Variants in FZD5 observed in about 807,000 individuals in gnomAD.
FZD5 encodes the protein frizzled class receptor 5.
Under a neutral mutation model 40.8 loss-of-function variants are expected in FZD5, and 12 were observed. The observed-to-expected ratio is 0.29, with a 90% CI of 0.19 to 0.48. The LOEUF is 0.48. FZD5 is among the 20% of genes least tolerant of loss of function. FZD5 has a pLI of 0.99. For missense variants in FZD5, 622 were observed against 832.8 expected, an observed-to-expected ratio of 0.75 and a Z score of 3.12; for synonymous variants, 380 against 383.7, an observed-to-expected ratio of 0.99 and a Z score of 0.11.
rs1347258264 is a variant in FZD5 at position 207,769,399 on chromosome 2, T to G, written c.-390A>C. The G allele has an allele frequency of 6.6e-6, 1 of 152,620 alleles. No individual in the cohort carries two copies. Among genetic ancestry groups the G allele is most frequent in the Non-Finnish European group, 1.5e-5 (1 of 68,402 alleles). The allele number at this position is 152,620 out of a possible 1,614,324, so 9.5% of individuals were successfully genotyped here. On this transcript the variant is annotated 5_prime_UTR_variant, in exon 1 of 2. Transcript: ENST00000295417. ...AGTTTAGCGACAGGCTGGGTACCCG[T>G]GGCAGCGGCACATGGCAGCAGGTGG...
At position 207,764,147 on chromosome 2, in the gene FZD5, T is replaced by C. The variant is rs1161267229; in HGVS notation, c.*2835A>G. The C allele has an allele frequency of 6.6e-6, 1 of 152,516 alleles. No individual in the cohort carries two copies. The highest frequency in any genetic ancestry group is 1.5e-5 in the Non-Finnish European group (1 of 68,058). 9.4% of individuals were successfully genotyped at this position (152,516 alleles called of 1,614,324 possible). A position where few individuals can be genotyped will look rare whatever the true frequency, so the allele number is the denominator to read the frequency against. The stretch of plus-strand genomic sequence containing the variant: ...AATGGAATCCTTACCCCCTAAGCTA[T>C]GAAGTGAGGCATTGCTTAAAATCAA... On this transcript the variant is annotated 3_prime_UTR_variant, in exon 2 of 2. Transcript: ENST00000295417.
chr2:207,767,172 G>C lies in FZD5; in HGVS notation c.1568C>G (p.Ser523Trp). The C allele has an allele frequency of 6.3e-7, 1 of 1,592,176 alleles. No homozygotes were observed. ...VGITSGVWIWSGKTVESWRRF... is the reference protein window; with the variant it reads ...VGITSGVWIWWGKTVESWRRF... The stretch of plus-strand genomic sequence containing the variant: ...CCGCCACGACTCCACCGTCTTGCCC[G>C]ACCAGATCCAGACGCCCGACGTGAT... Residue 523 changes from serine to tryptophan, a missense_variant, in exon 2 of 2, where the codon TCG (serine) becomes TGG (tryptophan). By Grantham distance (177) the Ser-to-Trp change is radical. Coordinates refer to ENST00000295417, the MANE Select transcript of FZD5 (RefSeq NM_003468.4).
At chr2:207,769,093 T>C (rs1161305970) in intron 1 of FZD5, 99 bp from the exon 2 acceptor site, 1 of 276,664 alleles carries the variant, frequency 3.6e-6, no homozygotes, top group African/African-American at 2.3e-5. Context: ...TCTCTTAAGT[T>C]AACCCCTTTC....
In FZD5 at chr2:207,767,094, C is replaced by T; in HGVS notation, c.1646G>A (p.Gly549Asp). 1.3e-6 allele frequency: 2 copies of T among 1,590,122 alleles called. No individual in the cohort carries two copies. Among genetic ancestry groups the T allele is most frequent in the African/African-American group, 1.3e-5 (1 of 74,626 alleles). ...GGGGTAGTCCCCTGCGGCCATGGCG[C>T]CCCCGCTCTTGTGGCCGCGCCGCGG... ...CRPRRGHKSGGAMAAGDYPEA... is the reference protein window; with the variant it reads ...CRPRRGHKSGDAMAAGDYPEA... Residue 549 changes from glycine to aspartate, a missense_variant, in exon 2 of 2, where the codon GGC (glycine) becomes GAC (aspartate). Physicochemically the swap from Gly to Asp is moderately conservative, Grantham distance 94 (BLOSUM62 -1). Around this residue, in one of 4 missense-constraint regions of FZD5, gnomAD observed 154 missense variants for 152.1 expected, o/e 1.01. Coordinates refer to ENST00000295417, the MANE Select transcript of FZD5 (RefSeq NM_003468.4).
In FZD5 at chr2:207,766,199, C is replaced by G. The variant is rs1371487658; in HGVS notation, c.*783G>C. 1 of 152,048 alleles carries G rather than the reference C, an allele frequency of 6.6e-6. No individual in the cohort carries two copies. Among genetic ancestry groups the G allele is most frequent in the Non-Finnish European group, 1.5e-5 (1 of 68,028 alleles). 9.4% of individuals were successfully genotyped at this position (152,048 alleles called of 1,614,324 possible). On this transcript the variant is annotated 3_prime_UTR_variant, in exon 2 of 2. Transcript: ENST00000295417. ...TCCACCAATCACCATCGCTTAGGCTCTCACTACTGCAAATATTTATGCCAG... is the reference window on the plus strand; with the variant it reads ...TCCACCAATCACCATCGCTTAGGCTGTCACTACTGCAAATATTTATGCCAG...
At position 207,767,323 on chromosome 2, in the gene FZD5, G is replaced by A; in HGVS notation, c.1417C>T (p.His473Tyr). 1 of 1,611,852 alleles carries A rather than the reference G, an allele frequency of 6.2e-7. No homozygotes were observed. Among genetic ancestry groups the A allele is most frequent in the East Asian group, 2.2e-5 (1 of 44,868 alleles). ...IVVACYLYEQ[H>Y]YRESWEAALT... is the part of the protein sequence containing the mutation. Reference sequence around the variant, plus strand: ...GCCGCCTCCCAGCTCTCGCGGTAGTGCTGCTCGTACAGGTAGCAGGCCACC... The same window carrying A: ...GCCGCCTCCCAGCTCTCGCGGTAGTACTGCTCGTACAGGTAGCAGGCCACC... Residue 473 changes from histidine to tyrosine, a missense_variant, in exon 2 of 2, where the codon CAC becomes TAC. Around this residue, in one of 4 missense-constraint regions of FZD5, gnomAD observed 208 missense variants for 348.9 expected, o/e 0.60. Coordinates refer to ENST00000295417, the MANE Select transcript of FZD5 (RefSeq NM_003468.4).
Position 207,762,836 on chromosome 2 carries a change from T to C in FZD5, c.*4146A>G, listed in dbSNP as rs1010878903. Reference sequence around the variant, plus strand: ...AACCACATACAACTGCTGTTTCTACTGACTCCCAGGAACGAAGCAGAAACA... The same window carrying C: ...AACCACATACAACTGCTGTTTCTACCGACTCCCAGGAACGAAGCAGAAACA... On this transcript the variant is annotated 3_prime_UTR_variant, in exon 2 of 2. Coordinates refer to ENST00000295417, the MANE Select transcript of FZD5 (RefSeq NM_003468.4). 6.6e-6 allele frequency: 1 copy of C among 152,662 alleles called. No individual in the cohort carries two copies. Among genetic ancestry groups the C allele is most frequent in the Admixed American group, 6.5e-5 (1 of 15,288 alleles). The allele number at this position is 152,662 out of a possible 1,614,324, so 9.5% of individuals were successfully genotyped here.
chr2:207,766,924 C>T lies in FZD5; in HGVS notation c.*58G>A. 1 of 1,335,878 alleles carries T rather than the reference C, an allele frequency of 7.5e-7. No homozygotes were observed. The highest frequency in any genetic ancestry group is 9.9e-7 in the Non-Finnish European group (1 of 1,012,964). The allele number at this position is 1,335,878 out of a possible 1,614,324, so 82.8% of individuals were successfully genotyped here. Reference sequence around the variant, plus strand: ...AACGGAAGTGACCTTGGCAAAACTACCAAACAAAACGCCCCCCTCCCCTCA... The same window carrying T: ...AACGGAAGTGACCTTGGCAAAACTATCAAACAAAACGCCCCCCTCCCCTCA... On this transcript the variant is annotated 3_prime_UTR_variant, in exon 2 of 2. Transcript: ENST00000295417.
In FZD5 at chr2:207,763,939, T is replaced by G. The variant is rs1014446465; in HGVS notation, c.*3043A>C. The G allele has an allele frequency of 1.3e-5, 2 of 152,602 alleles. No individual in the cohort carries two copies. Among genetic ancestry groups the G allele is most frequent in the South Asian group, 4.1e-4 (2 of 4,832 alleles). 9.5% of individuals were successfully genotyped at this position (152,602 alleles called of 1,614,324 possible). A position where few individuals can be genotyped will look rare whatever the true frequency, so the allele number is the denominator to read the frequency against. ...CATGGGCCTTGGTCACTGGCAATGG[T>G]CATGAGAAAATATGAGAAAGGTTTG... On this transcript the variant is annotated 3_prime_UTR_variant, in exon 2 of 2. Transcript: ENST00000295417.
At position 207,762,860 on chromosome 2, in the gene FZD5, C is replaced by CA. The variant is rs1156508134; in HGVS notation, c.*4121dup. On this transcript the variant is annotated 3_prime_UTR_variant, in exon 2 of 2. Transcript: ENST00000295417. ...CTGACTCCCAGGAACGAAGCAGAAA[C>CA]AAAAACTCATCAAGCTGCTCTGGGT... 6.6e-6 allele frequency: 1 copy of CA among 152,548 alleles called. No individual in the cohort carries two copies. Among genetic ancestry groups the CA allele is most frequent in the African/African-American group, 2.4e-5 (1 of 41,424 alleles). The allele number at this position is 152,548 out of a possible 1,614,324, so 9.4% of individuals were successfully genotyped here.
In FZD5 at chr2:207,764,339, T is replaced by C. The variant is rs544269964; in HGVS notation, c.*2643A>G. ...ACTTGTTTCCATAATCACATGCAAA[T>C]TGGGGGAAGTAACTATATGGATGGA... On this transcript the variant is annotated 3_prime_UTR_variant, in exon 2 of 2. Transcript: ENST00000295417. The C allele has an allele frequency of 5.9e-5, 9 of 152,288 alleles. No homozygotes were observed. The highest frequency in any genetic ancestry group is 2.1e-4 in the South Asian group (1 of 4,830). The allele number at this position is 152,288 out of a possible 1,614,324, so 9.4% of individuals were successfully genotyped here.
Position 207,767,513 on chromosome 2 carries a change from C to A in FZD5, c.1227G>T (p.Val409=), listed in dbSNP as rs541696877. Reference sequence around the variant, plus strand: ...AGAGCGTGCCCACCAGCAGGTAGAGCACCAGCGGGCCCAGCACGAAGCCGC... The same window carrying A: ...AGAGCGTGCCCACCAGCAGGTAGAGAACCAGCGGGCCCAGCACGAAGCCGC... ...SLRGFVLGPL[V]LYLLVGTLFL... is the part of the protein sequence containing the mutation. The change falls in exon 2 of 2, where the codon GTG becomes GTT. Residue 409 remains valine (V), a synonymous_variant. Transcript: ENST00000295417. 1.9e-6 allele frequency: 3 copies of A among 1,609,700 alleles called. No individual in the cohort carries two copies. In the East Asian group the frequency reaches 6.7e-5, roughly 36 times the overall value.
Position 207,767,189 on chromosome 2 carries a change from C to T in FZD5, c.1551G>A (p.Ser517=), listed in dbSNP as rs1216488012. The T allele has an allele frequency of 3.7e-6, 6 of 1,602,200 alleles. No homozygotes were observed. In the African/African-American group the frequency reaches 5.4e-5, roughly 14 times the overall value. The part of the protein sequence containing the change: ...YFMCLVVGIT[S]GVWIWSGKTV... ...TCTTGCCCGACCAGATCCAGACGCC[C>T]GACGTGATGCCCACCACCAGGCACA... is the stretch of plus-strand genomic sequence containing the variant. The change falls in exon 2 of 2, where the codon TCG becomes TCA. Residue 517 remains serine, a synonymous_variant. Coordinates refer to ENST00000295417, the MANE Select transcript of FZD5 (RefSeq NM_003468.4).
In FZD5 at chr2:207,766,071, TAAAAA is replaced by T. The variant is rs1156799536; in HGVS notation, c.*906_*910del. 2 of 91,610 alleles carry T rather than the reference TAAAAA, an allele frequency of 2.2e-5. No homozygotes were observed. Among genetic ancestry groups the T allele is most frequent in the African/African-American group, 9.1e-5 (2 of 22,016 alleles). The allele number at this position is 91,610 out of a possible 1,614,324, so 5.7% of individuals were successfully genotyped here. On this transcript the variant is annotated 3_prime_UTR_variant, in exon 2 of 2. Coordinates refer to ENST00000295417, the MANE Select transcript of FZD5 (RefSeq NM_003468.4). Reference sequence around the variant, plus strand: ...TACCAAAATTATAACACAAGTTCCTTAAAAAAAAAAAAAAAAAAAAAAAAAGGGGA... The same window carrying T: ...TACCAAAATTATAACACAAGTTCCTTAAAAAAAAAAAAAAAAAAAAGGGGA...
chr2:207,768,050 G>A lies in FZD5; in HGVS notation c.690C>T (p.Asp230=). Residue 230 remains aspartate, a synonymous_variant, in exon 2 of 2, where the codon GAC becomes GAT. Transcript: ENST00000295417. The part of the protein sequence containing the change: ...VPCYQPSFSA[D]ERTFATFWIG... The stretch of plus-strand genomic sequence containing the variant: ...TCCAGAAGGTGGCGAACGTGCGCTC[G>A]TCGGCACTGAAGGACGGCTGGTAGC... 1 of 1,612,692 alleles carries A rather than the reference G, an allele frequency of 6.2e-7. No homozygotes were observed. The highest frequency in any genetic ancestry group is 8.5e-7 in the Non-Finnish European group (1 of 1,179,406).
Position 207,768,704 on chromosome 2 carries a change from C to G in FZD5, c.36G>C (p.Leu12=), listed in dbSNP as rs1274484941. 1.3e-6 allele frequency: 2 copies of G among 1,598,654 alleles called. No homozygotes were observed. Among genetic ancestry groups the G allele is most frequent in the African/African-American group, 2.7e-5 (2 of 74,706 alleles). ...CCAGCTGCGCTAGGAGCAGCAGCAACAGCGAGGGCGGCGCGGATGGGTCAG... is the reference window on the plus strand; with the variant it reads ...CCAGCTGCGCTAGGAGCAGCAGCAAGAGCGAGGGCGGCGCGGATGGGTCAG... ...ARPDPSAPPS[L]LLLLLAQLVG... is the part of the protein sequence containing the mutation. The change falls in exon 2 of 2, where the codon CTG becomes CTC. Residue 12 remains leucine, a synonymous_variant. Transcript: ENST00000295417.
chr2:207,767,891 C>T lies in FZD5; in HGVS notation c.849G>A (p.Leu283=). 2 of 1,598,540 alleles carry T rather than the reference C, an allele frequency of 1.3e-6. No homozygotes were observed. The highest frequency in any genetic ancestry group is 1.7e-6 in the Non-Finnish European group (2 of 1,172,640). The part of the protein sequence containing the change: ...FLSACYLCVS[L]GFLVRLVVGH... ...CCACGACCAGACGCACCAGGAAGCC[C>T]AGCGACACGCACAGGTAGCAGGCTG... The change falls in exon 2 of 2, where the codon CTG becomes CTA. Residue 283 remains leucine, a synonymous_variant. Transcript: ENST00000295417.
At position 207,768,053 on chromosome 2, in the gene FZD5, G is replaced by C. The variant is rs763488749; in HGVS notation, c.687C>G (p.Ala229=). Residue 229 remains alanine, a synonymous_variant, in exon 2 of 2, where the codon GCC becomes GCG. Coordinates refer to ENST00000295417, the MANE Select transcript of FZD5 (RefSeq NM_003468.4). ...AVPCYQPSFS[A]DERTFATFWI... ...AGAAGGTGGCGAACGTGCGCTCGTC[G>C]GCACTGAAGGACGGCTGGTAGCAGG... 2.5e-6 allele frequency: 4 copies of C among 1,612,618 alleles called. No individual in the cohort carries two copies. The highest frequency in any genetic ancestry group is 3.4e-6 in the Non-Finnish European group (4 of 1,179,402).
Position 207,768,862 on chromosome 2 carries a change from G to T in FZD5, c.-123C>A. On this transcript the variant is annotated 5_prime_UTR_variant, in exon 2 of 2. Transcript: ENST00000295417. ...CGCCGGGGCTGGCAACCTGTTGGTT[G>T]CTTTTTCCTTTAAAGAAAACCGTCC... is the stretch of plus-strand genomic sequence containing the variant. 1 of 785,544 alleles carries T rather than the reference G, an allele frequency of 1.3e-6. No homozygotes were observed. The highest frequency in any genetic ancestry group is 2.0e-6 in the Non-Finnish European group (1 of 497,364). 48.7% of individuals were successfully genotyped at this position (785,544 alleles called of 1,614,324 possible).
Sources: gnomAD v4.1 joint callset for allele counts on GRCh38, gnomAD v4.1.1 for gene constraint, gnomAD v4.1.1 regional missense constraint, MANE v1.5 for transcripts, NCBI Gene and HGNC (gene_info 2026-07-23, HGNC 2026-07-21) for gene names.